The following PARD3B variants were observed in gnomAD, a reference collection of about 807,000 sequenced individuals.
The protein encoded by PARD3B is partitioning defective 3 homolog B.
In PARD3B, 103 loss-of-function variants were observed where a neutral mutation model predicts 130.2. That is an observed-to-expected ratio of 0.79 (90% CI 0.67 to 0.93). The LOEUF is 0.93. PARD3B is among the 40% of genes least tolerant of loss of function. PARD3B has a pLI of 0.00. For synonymous variants in PARD3B, 583 were observed against 553.2 expected, an observed-to-expected ratio of 1.05 and a Z score of -0.76; for missense variants, 1,609 against 1,499.2, an observed-to-expected ratio of 1.07 and a Z score of -1.21.
chr2:205,088,308 GAAAT>G (rs975687314), intron 4 of PARD3B, among the ~76,000 whole-genome samples: 2 of 152,092 alleles, frequency 1.3e-5, no homozygotes, highest in African/African-American at 4.8e-5. Flanking sequence ...CATAAATAAG[GAAAT>G]AAATTAAGAT....
chr2:205,503,306 C>G (rs2050226847), intron 21 of PARD3B, among the ~76,000 whole-genome samples: 1 of 151,920 alleles, frequency 6.6e-6, no homozygotes, highest in Admixed American at 6.6e-5. Flanking sequence ...GTAGTTCATT[C>G]TGCTGGAGGT....
intron 22 of PARD3B, among the ~76,000 whole-genome samples, chr2:205,569,385 A>G (rs2053481274): frequency 6.6e-6 from 1 of 152,158 alleles, no homozygotes; most frequent in Non-Finnish European, 1.5e-5. Context: ...TTTGCCTTAT[A>G]ATTTTTTGCT....
chr2:205,219,477 T>A (rs1167225946), intron 15 of PARD3B, among the ~76,000 whole-genome samples: 1 of 152,202 alleles, frequency 6.6e-6, no homozygotes, highest in East Asian at 1.9e-4. Context: ...TAGCCCTGGT[T>A]TTGCACAGTT....
intron 5 of PARD3B, among the ~76,000 whole-genome samples, chr2:205,107,443 G>A (rs1703306944): frequency 6.6e-6 from 1 of 152,162 alleles, no homozygotes. Context: ...AAGATTAAAT[G>A]AGATATAGTA....
intron 2 of PARD3B, among the ~76,000 whole-genome samples, chr2:204,828,546 G>A (rs547534798): frequency 6.6e-6 from 1 of 152,266 alleles, no homozygotes; most frequent in Admixed American, 6.5e-5. Flanking sequence ...TTACGTCTCT[G>A]CTGATTAGTG....
At position 205,119,045 on chromosome 2, in the gene PARD3B, C is replaced by T; in HGVS notation, c.805C>T (p.Gln269Ter). The change falls in exon 7 of 23, where the codon CAG becomes TAG. Residue 269 changes from glutamine to a stop codon, truncating the protein, a stop_gained and splice_region_variant. Coordinates refer to ENST00000406610, the MANE Select transcript of PARD3B (RefSeq NM_001302769.2). LOFTEE classifies it high-confidence loss of function. ...GGATCTCGTAGACAAAACCTTTGCTCAGTAAGCATTTTTTCATTGTTTTAT... is the reference window on the plus strand; with the variant it reads ...GGATCTCGTAGACAAAACCTTTGCTTAGTAAGCATTTTTTCATTGTTTTAT... ...NVDLVDKTFAQAQDVFRQAMK... is the reference protein window; with the variant it reads ...NVDLVDKTFA The T allele has an allele frequency of 6.3e-7, 1 of 1,596,388 alleles. No homozygotes were observed. Among genetic ancestry groups the T allele is most frequent in the Non-Finnish European group, 8.5e-7 (1 of 1,174,020 alleles).
chr2:205,584,151 G>T lies in PARD3B; in HGVS notation c.3260+30748G>T, dbSNP rs938740656. ...AGATCTGCACTCCAATATGGTAGCC[G>T]CAACAACATGGGGCTATCAGACATT... is the stretch of plus-strand genomic sequence containing the variant. On this transcript the variant is annotated intron_variant, in intron 22 of 22. Transcript: ENST00000406610. This position sits in a 1 kb window ranked among gnomAD's most constrained non-coding sequence, Gnocchi z 5.5. Among the ~76,000 whole-genome samples the T allele has an allele frequency of 2.0e-5, 3 of 151,786 alleles. No homozygotes were observed. Among genetic ancestry groups the T allele is most frequent in the African/African-American group, 7.3e-5 (3 of 41,284 alleles).
intron 20 of PARD3B, among the ~76,000 whole-genome samples, chr2:205,491,242 CT>C: frequency 6.6e-6 from 1 of 152,244 alleles, no homozygotes; most frequent in East Asian, 1.9e-4. Context: ...GGTTTTAAGT[CT>C]TAACATTTAA....
At chr2:205,357,000 A>G (rs963227838) in intron 18 of PARD3B, among the ~76,000 whole-genome samples, 15 of 152,128 alleles carry the variant, frequency 9.9e-5, no homozygotes, top group African/African-American at 2.6e-4. Flanking sequence ...ACTATTATCT[A>G]TTGTTTCTCA....
intron 2 of PARD3B, among the ~76,000 whole-genome samples, chr2:204,749,327 G>T (rs2040369685): frequency 6.6e-6 from 1 of 152,040 alleles, no homozygotes; most frequent in African/African-American, 2.4e-5. Context: ...TTTTGGTTTA[G>T]GATAATAATT....
chr2:205,414,753 T>A (rs912350479), intron 19 of PARD3B, among the ~76,000 whole-genome samples: 1 of 152,118 alleles, frequency 6.6e-6, no homozygotes. Context: ...AATTGATATT[T>A]GTTCAATAAT....
chr2:205,380,864 TA>T (rs1241236455), intron 18 of PARD3B, among the ~76,000 whole-genome samples: 5 of 42,700 alleles, frequency 1.2e-4, no homozygotes, highest in East Asian at 6.7e-4. Flanking sequence ...ACATTATATA[TA>T]ATATAAAGAA....
intron 19 of PARD3B, among the ~76,000 whole-genome samples, chr2:205,427,875 A>G (rs576027055): frequency 2.2e-4 from 34 of 152,350 alleles, no homozygotes; most frequent in Admixed American, 5.9e-4. Context: ...AGTGTAATAT[A>G]TTCTAGCAAA....
intron 21 of PARD3B, among the ~76,000 whole-genome samples, chr2:205,527,869 A>G (rs556324556): frequency 7.0e-4 from 107 of 152,290 alleles, no homozygotes; most frequent in African/African-American, 2.5e-3. Flanking sequence ...ACAAGGTCCA[A>G]TTCTCTCTAC....
At chr2:205,381,400 C>T (rs957591084) in intron 18 of PARD3B, among the ~76,000 whole-genome samples, 1 of 150,916 alleles carries the variant, frequency 6.6e-6, no homozygotes, top group East Asian at 1.9e-4. Flanking sequence ...CATAATAGAT[C>T]TGCTAATTAC....
intron 4 of PARD3B, among the ~76,000 whole-genome samples, chr2:205,054,436 ATTT>A (rs769918623): frequency 3.4e-3 from 97 of 28,416 alleles, no homozygotes; most frequent in East Asian, 8.4e-3. Flanking sequence ...ATATATATAT[ATTT>A]TTTTTTTTTT....
chr2:205,396,424 G>A (rs779925545), intron 18 of PARD3B, among the ~76,000 whole-genome samples: 7 of 152,124 alleles, frequency 4.6e-5, no homozygotes, highest in African/African-American at 7.2e-5. Flanking sequence ...TTGAAAGAGA[G>A]CGAGTAAGGA....
intron 2 of PARD3B, among the ~76,000 whole-genome samples, chr2:204,927,611 C>T (rs577809655): frequency 4.6e-5 from 7 of 152,188 alleles, no homozygotes; most frequent in Admixed American, 1.3e-4. Flanking sequence ...ATAATTATAA[C>T]GTTAAACTCA....
chr2:205,406,739 C>T (rs550356479), intron 19 of PARD3B, among the ~76,000 whole-genome samples: 306 of 140,730 alleles, frequency 2.2e-3, no homozygotes, highest in Middle Eastern at 0.012. Context: ...GGCATGATCT[C>T]GGCTCACTGC....
Sources: allele counts gnomAD v4.1 joint callset (sites outside exome capture counted in the v4.1 genomes callset), GRCh38; gene constraint gnomAD v4.1.1; non-coding constraint Gnocchi (gnomAD v3.1); transcripts MANE v1.5; gene names NCBI Gene and HGNC (gene_info 2026-07-23, HGNC 2026-07-21).